GRID1: variants seen among roughly 807,000 people sequenced by gnomAD.
The protein encoded by GRID1 is glutamate receptor ionotropic, delta-1.
A neutral mutation model predicts 98.0 loss-of-function variants in GRID1; 28 were observed. The ratio of observed to expected loss-of-function variants is 0.29; its 90% CI spans 0.21 to 0.39. The LOEUF is 0.39. GRID1 is among the 10% of genes least tolerant of loss of function. The pLI is 1.00. For synonymous variants in GRID1, 553 were observed against 538.5 expected, an observed-to-expected ratio of 1.03 and a Z score of -0.37; for missense variants, 1,111 against 1,340.5, an observed-to-expected ratio of 0.83 and a Z score of 2.67.
chr10:86,282,305 T>G (rs1847367931), intron 2 of GRID1, among the ~76,000 whole-genome samples: 2 of 152,122 alleles, frequency 1.3e-5, no homozygotes, highest in South Asian at 4.1e-4. Context: ...GGCAAATCAT[T>G]GGACCTCTCT....
At chr10:86,323,936 C>T (rs34438410) in intron 2 of GRID1, among the ~76,000 whole-genome samples, 23,936 of 152,106 alleles carry the variant, frequency 0.16, 2,402 homozygotes, top group South Asian at 0.29. Flanking sequence ...CCCAGCACTT[C>T]GGGAGGCCAA....
intron 4 of GRID1, among the ~76,000 whole-genome samples, chr10:85,930,546 G>A (rs752989740): frequency 4.6e-5 from 7 of 151,958 alleles, no homozygotes; most frequent in Non-Finnish European, 1.0e-4. Context: ...GATGAGCAGG[G>A]GCTGTCATGA....
chr10:85,620,998 C>T lies in GRID1; in HGVS notation c.2194-965G>A, dbSNP rs35931393. ...GCCTGCAGCGACAGCTAAAGCCCTA[C>T]TCTGTCGCACTCATCCACAGCAGAG... On this transcript the variant is annotated intron_variant, in intron 13 of 15. Coordinates refer to ENST00000327946, the MANE Select transcript of GRID1 (RefSeq NM_017551.3). Among the ~76,000 whole-genome samples, 1,454 of 152,296 alleles carry T rather than the reference C, an allele frequency of 9.5e-3. 16 individuals carry two copies. The highest frequency in any genetic ancestry group is 0.016 in the Non-Finnish European group (1,057 of 68,012).
chr10:86,268,271 G>A (rs764731908), intron 2 of GRID1, among the ~76,000 whole-genome samples: 12 of 152,222 alleles, frequency 7.9e-5, no homozygotes, highest in Non-Finnish European at 1.2e-4. Flanking sequence ...AATGGAAGCC[G>A]TGTGATAAGC....
chr10:86,130,136 C>A (rs1401375590), intron 4 of GRID1, among the ~76,000 whole-genome samples: 5 of 152,272 alleles, frequency 3.3e-5, no homozygotes, highest in Admixed American at 2.6e-4. Flanking sequence ...TAACCCAGGT[C>A]TGCTGACCAC....
Position 86,051,440 on chromosome 10 carries a change from A to G in GRID1, c.726+87379T>C, listed in dbSNP as rs558344892. Among the ~76,000 whole-genome samples the G allele has an allele frequency of 2.6e-5, 4 of 152,146 alleles. No homozygotes were observed. The East Asian group carries it at 5.8e-4, about 22-fold the overall frequency. Reference sequence around the variant, plus strand: ...AGGGAATGTTTTCCTATGAACTAAAATTCAGAAGACATAAAAGAAAAAGGA... The same window carrying G: ...AGGGAATGTTTTCCTATGAACTAAAGTTCAGAAGACATAAAAGAAAAAGGA... On this transcript the variant is annotated intron_variant, in intron 4 of 15. Coordinates refer to ENST00000327946, the MANE Select transcript of GRID1 (RefSeq NM_017551.3).
intron 4 of GRID1, among the ~76,000 whole-genome samples, chr10:86,087,374 G>C (rs572916453): frequency 1.3e-5 from 2 of 149,536 alleles, no homozygotes; most frequent in South Asian, 4.3e-4. Context: ...TGTGTTGTGA[G>C]TGTCTGCATA....
intron 2 of GRID1, among the ~76,000 whole-genome samples, chr10:86,282,738 C>G (rs980259487): frequency 6.6e-6 from 1 of 152,072 alleles, no homozygotes; most frequent in African/African-American, 2.4e-5. Context: ...GGGCTCCCCT[C>G]CCACATCCTC....
chr10:86,358,952 G>A (rs1848567844), intron 2 of GRID1, among the ~76,000 whole-genome samples: 1 of 151,974 alleles, frequency 6.6e-6, no homozygotes. Context: ...TGGAGGAAAG[G>A]GCCAGGGGCT....
intron 4 of GRID1, among the ~76,000 whole-genome samples, chr10:86,118,858 G>A (rs989408348): frequency 2.0e-5 from 3 of 152,138 alleles, no homozygotes; most frequent in Non-Finnish European, 2.9e-5. Flanking sequence ...TCCCAGTTGA[G>A]GGGAATTCTA....
At chr10:86,229,768 G>C (rs757991707) in intron 2 of GRID1, among the ~76,000 whole-genome samples, 1 of 152,178 alleles carries the variant, frequency 6.6e-6, no homozygotes, top group East Asian at 1.9e-4. Context: ...CCCATACCTG[G>C]CATCTGCTGT....
At chr10:86,096,175 A>G (rs1478461559) in intron 4 of GRID1, among the ~76,000 whole-genome samples, 1 of 152,078 alleles carries the variant, frequency 6.6e-6, no homozygotes, top group African/African-American at 2.4e-5. Flanking sequence ...AGAATGATAC[A>G]ATGGACCTTG....
chr10:85,686,285 T>C (rs1035938380), intron 12 of GRID1, among the ~76,000 whole-genome samples: 2 of 152,160 alleles, frequency 1.3e-5, no homozygotes, highest in Non-Finnish European at 2.9e-5. Flanking sequence ...CCATGGACTT[T>C]ACAGCACAAA....
chr10:85,921,021 G>A (rs1429109670), intron 4 of GRID1, among the ~76,000 whole-genome samples: 1 of 152,210 alleles, frequency 6.6e-6, no homozygotes, highest in African/African-American at 2.4e-5. Flanking sequence ...TGGCTCCTGT[G>A]GCCATGATAC....
chr10:86,221,091 G>C (rs999011499), intron 2 of GRID1, among the ~76,000 whole-genome samples: 12 of 152,320 alleles, frequency 7.9e-5, no homozygotes, highest in African/African-American at 2.6e-4. Context: ...ACAGAGCCCA[G>C]CTGGCCCTGG....
chr10:86,233,030 G>T (rs2132037147), intron 2 of GRID1, among the ~76,000 whole-genome samples: 1 of 152,274 alleles, frequency 6.6e-6, no homozygotes, highest in Non-Finnish European at 1.5e-5. Context: ...AACCCTTCAG[G>T]ATAATTTCTC....
chr10:85,737,673 T>C (rs11816225), intron 8 of GRID1, among the ~76,000 whole-genome samples: 1 of 113,036 alleles, frequency 8.8e-6, no homozygotes, highest in East Asian at 2.1e-4. Context: ...TATATATATA[T>C]AAACATATAT....
At chr10:86,116,700 G>T (rs1413351408) in intron 4 of GRID1, among the ~76,000 whole-genome samples, 1 of 152,092 alleles carries the variant, frequency 6.6e-6, no homozygotes, top group Non-Finnish European at 1.5e-5. Flanking sequence ...TAAATCAAAT[G>T]CCCCCCACCA....
chr10:85,731,345 C>T (rs894866529), intron 8 of GRID1, among the ~76,000 whole-genome samples: 12 of 151,788 alleles, frequency 7.9e-5, no homozygotes, highest in Middle Eastern at 6.8e-3. Context: ...AACCACCCAC[C>T]GCCACCACCA....
Sources: allele counts gnomAD v4.1 joint callset (sites outside exome capture counted in the v4.1 genomes callset), GRCh38; gene constraint gnomAD v4.1.1; transcripts MANE v1.5; gene names NCBI Gene and HGNC (gene_info 2026-07-23, HGNC 2026-07-21).